Variants in HELLS observed in about 807,000 individuals in gnomAD.
The protein encoded by HELLS is lymphoid-specific helicase.
A neutral mutation model predicts 120.0 loss-of-function variants in HELLS; 32 were observed. That is an observed-to-expected ratio of 0.27 (90% CI 0.20 to 0.36). The LOEUF (loss-of-function observed/expected upper bound fraction) is 0.36. HELLS is among the 10% of genes least tolerant of loss of function. HELLS has a pLI of 1.00. For missense variants in HELLS, 650 were observed against 993.4 expected, an observed-to-expected ratio of 0.65 and a Z score of 4.65; for synonymous variants, 341 against 323.4, an observed-to-expected ratio of 1.05 and a Z score of -0.58.
intron 2 of HELLS, 108 bp from the exon 3 acceptor site, chr10:94,554,018 G>A (rs574256065): frequency 2.0e-6 from 2 of 1,000,502 alleles, no homozygotes; most frequent in East Asian, 3.1e-5. Context: ...GTTTGAAAGT[G>A]TTTGGTTTAA....
intron 7 of HELLS, among the ~76,000 whole-genome samples, chr10:94,572,559 A>G (rs186674871): frequency 1.1e-4 from 17 of 152,104 alleles, no homozygotes; most frequent in East Asian, 1.9e-4. Context: ...GAATGTTACA[A>G]TTTTCTCATC....
chr10:94,595,145 T>C (rs540736111), intron 19 of HELLS, among the ~76,000 whole-genome samples: 53 of 152,144 alleles, frequency 3.5e-4, no homozygotes, highest in African/African-American at 1.2e-3. Flanking sequence ...GGAGAATCGC[T>C]TGAACCCGGG....
chr10:94,559,273 G>A (rs911570165), intron 4 of HELLS, among the ~76,000 whole-genome samples: 1 of 151,878 alleles, frequency 6.6e-6, no homozygotes, highest in Non-Finnish European at 1.5e-5. Flanking sequence ...CTTTTTCATG[G>A]TGATTTTGCT....
rs553792715 is a variant in HELLS at position 94,579,447 on chromosome 10, C to T, written c.1033-1879C>T. 6.6e-5 allele frequency among the ~76,000 whole-genome samples: 10 copies of T among 152,006 alleles called. No individual in the cohort carries two copies. The South Asian group carries it at 8.3e-4, about 13-fold the overall frequency. Reference sequence around the variant, plus strand: ...CGATCTCCTGCCCTCGTGATCCGCCCGCCTCAGCCTCCCAGAGAACTACTA... The same window carrying T: ...CGATCTCCTGCCCTCGTGATCCGCCTGCCTCAGCCTCCCAGAGAACTACTA... On this transcript the variant is annotated intron_variant, in intron 10 of 21. Transcript: ENST00000348459.
At chr10:94,559,301 C>A (rs1843430882) in intron 4 of HELLS, among the ~76,000 whole-genome samples, 1 of 152,120 alleles carries the variant, frequency 6.6e-6, no homozygotes, top group Non-Finnish European at 1.5e-5. Flanking sequence ...TGGCCCCCAA[C>A]TATTGTACCA....
chr10:94,578,437 C>G (rs1281713725), intron 10 of HELLS, among the ~76,000 whole-genome samples: 1 of 152,118 alleles, frequency 6.6e-6, no homozygotes, highest in African/African-American at 2.4e-5. Context: ...TGGCTCACCC[C>G]TGTAATCCCA....
intron 6 of HELLS, among the ~76,000 whole-genome samples, chr10:94,567,413 C>G (rs989833509): frequency 5.3e-5 from 8 of 152,170 alleles, no homozygotes; most frequent in African/African-American, 1.9e-4. Flanking sequence ...ATTCTCCTGC[C>G]TCAGCCTTCC....
rs562051491 is a variant in HELLS at position 94,558,211 on chromosome 10, G to A, written c.333+16G>A. ...AGTTAAAAAGGTAATATAGCCAGCC[G>A]GAATATTTTTTATGTCATTTAAATA... On this transcript the variant is annotated intron_variant, in intron 4 of 21. Coordinates refer to ENST00000348459, the MANE Select transcript of HELLS (RefSeq NM_018063.5). 7.2e-6 allele frequency: 11 copies of A among 1,534,260 alleles called. No homozygotes were observed. Among genetic ancestry groups the A allele is most frequent in the Middle Eastern group, 1.8e-4 (1 of 5,512 alleles).
At chr10:94,584,546 A>C (rs1160322347) in intron 12 of HELLS, among the ~76,000 whole-genome samples, 1 of 152,122 alleles carries the variant, frequency 6.6e-6, no homozygotes. Flanking sequence ...TAGTGTATAC[A>C]TCCATATAGT....
At chr10:94,600,510 A>C (rs976843993) in intron 21 of HELLS, among the ~76,000 whole-genome samples, 8 of 152,186 alleles carry the variant, frequency 5.3e-5, no homozygotes, top group African/African-American at 1.4e-4. Context: ...CAATATGGTG[A>C]ATCTAGAAAG....
rs1007748346 is a variant in HELLS, at chr10:94,545,829, A to G, written c.-93A>G. 9.2e-6 allele frequency: 13 copies of G among 1,405,536 alleles called. No homozygotes were observed. Among genetic ancestry groups the G allele is most frequent in the African/African-American group, 2.9e-5 (2 of 70,170 alleles). The allele number at this position is 1,405,536 out of a possible 1,614,324, so 87.1% of individuals were successfully genotyped here. ...TTTTTCCCTGGCGGGGGATTTGGCT[A>G]GAAGGCTGGGCCGGCAGCGGTTGTG... On this transcript the variant is annotated 5_prime_UTR_variant, in exon 1 of 22. Coordinates refer to ENST00000348459, the MANE Select transcript of HELLS (RefSeq NM_018063.5).
At chr10:94,562,122 G>A (rs1488950077) in intron 4 of HELLS, among the ~76,000 whole-genome samples, 2 of 151,746 alleles carry the variant, frequency 1.3e-5, no homozygotes, top group Non-Finnish European at 2.9e-5. Context: ...CCAACTATGG[G>A]CTGGGTGCAG....
At chr10:94,561,092 G>A (rs1309364272) in intron 4 of HELLS, among the ~76,000 whole-genome samples, 1 of 151,140 alleles carries the variant, frequency 6.6e-6, no homozygotes, top group African/African-American at 2.4e-5. Context: ...AAAACCCTCT[G>A]ATCCTTGACT....
rs748000028 is a variant in HELLS at position 94,590,755 on chromosome 10, C to A, written c.1746C>A (p.Asp582Glu). The change falls in exon 15 of 22, where the codon GAC (aspartate) becomes GAA (glutamate). Residue 582 changes from aspartate to glutamate, a missense_variant. By Grantham distance (45) the Asp-to-Glu change is conservative. Around this residue, in one of 9 missense-constraint regions of HELLS, gnomAD observed 191 missense variants for 259.7 expected, o/e 0.74. Coordinates refer to ENST00000348459, the MANE Select transcript of HELLS (RefSeq NM_018063.5). ...NHPYLIEYPIDPVTQEFKIDE... is the reference protein window; with the variant it reads ...NHPYLIEYPIEPVTQEFKIDE... ...CATATTTGATTGAATATCCTATAGA[C>A]CCTGTTACACAAGAATTTAAGGTGA... 2.0e-6 allele frequency: 3 copies of A among 1,537,142 alleles called. No homozygotes were observed. Among genetic ancestry groups the A allele is most frequent in the East Asian group, 4.5e-5 (2 of 44,058 alleles).
At chr10:94,594,388 T>A (rs1845643258) in intron 18 of HELLS, among the ~76,000 whole-genome samples, 1 of 152,162 alleles carries the variant, frequency 6.6e-6, no homozygotes, top group African/African-American at 2.4e-5. Flanking sequence ...GTCTCACTGT[T>A]TGCCCACGCT....
rs1230474677 is a variant in HELLS, at chr10:94,574,710, G to A, written c.862G>A (p.Ala288Thr). The A allele has an allele frequency of 6.2e-7, 1 of 1,613,104 alleles. No individual in the cohort carries two copies. The highest frequency in any genetic ancestry group is 1.7e-5 in the Admixed American group (1 of 59,908). ...GPLSTLPNWM[A>T]EFKRFTPDIP... ...TTTGTCTACACTTCCTAACTGGATG[G>A]CTGAATTCAAAAGATTTACACCAGA... The change falls in exon 9 of 22, where the codon GCT (alanine) becomes ACT (threonine). Residue 288 changes from alanine to threonine, a missense_variant. Ala to Thr is a moderately conservative substitution (Grantham distance 58, BLOSUM62 0). Around this residue, in one of 9 missense-constraint regions of HELLS, gnomAD observed 61 missense variants for 86.5 expected, o/e 0.71. Coordinates refer to ENST00000348459, the MANE Select transcript of HELLS (RefSeq NM_018063.5).
intron 10 of HELLS, among the ~76,000 whole-genome samples, chr10:94,580,161 A>G (rs1844783137): frequency 1.4e-5 from 1 of 69,840 alleles, no homozygotes; most frequent in Admixed American, 1.4e-4. Context: ...ATATATATAT[A>G]TACACACACA....
chr10:94,612,287 A>G lies in HELLS; in HGVS notation c.*2436A>G, dbSNP rs532790021. ...AACTCAGTGTTGCTGCAATGTATGT[A>G]TTATAATGGATTTGAAATTTGCCCT... On this transcript the variant is annotated 3_prime_UTR_variant, in exon 10 of 10. Coordinates refer to the HELLS transcript ENST00000371327. 4 of 152,336 alleles carry G rather than the reference A, an allele frequency of 2.6e-5. No individual in the cohort carries two copies. In the South Asian group the frequency reaches 8.3e-4, roughly 32 times the overall value. The allele number at this position is 152,336 out of a possible 1,614,324, so 9.4% of individuals were successfully genotyped here. A position where few individuals can be genotyped will look rare whatever the true frequency, so the allele number is the denominator to read the frequency against.
At chr10:94,566,554 A>G (rs1243782407) in intron 6 of HELLS, among the ~76,000 whole-genome samples, 1 of 152,176 alleles carries the variant, frequency 6.6e-6, no homozygotes, top group Admixed American at 6.5e-5. Context: ...GTAGGAAGCT[A>G]TTGAAAGATT....
Sources: allele counts gnomAD v4.1 joint callset (sites outside exome capture counted in the v4.1 genomes callset), GRCh38; gene constraint gnomAD v4.1.1; regional missense constraint gnomAD v4.1.1; transcripts MANE v1.5; gene names NCBI Gene and HGNC (gene_info 2026-07-23, HGNC 2026-07-21).